Variants in PRKCB observed in about 807,000 individuals in gnomAD.
PRKCB encodes the protein protein kinase C beta type.
Under a neutral mutation model 81.5 loss-of-function variants are expected in PRKCB, and 13 were observed. That is an observed-to-expected ratio of 0.16 (90% CI 0.10 to 0.25). PRKCB has a LOEUF of 0.25. Ranked by LOEUF, PRKCB falls within the 10% of genes least tolerant of loss-of-function variation. PRKCB has a pLI of 1.00. For synonymous variants in PRKCB, 335 were observed against 321.4 expected (o/e 1.04, Z -0.45); for missense variants, 509 against 875.7 (o/e 0.58, Z 5.29).
chr16:24,008,160 CTAAA>C (rs1965153330), intron 3 of PRKCB, among the ~76,000 whole-genome samples: 1 of 152,262 alleles, frequency 6.6e-6, no homozygotes, highest in Non-Finnish European at 1.5e-5. Context: ...TACTCAGAGA[CTAAA>C]TGACTTGCTC....
intron 16 of PRKCB, among the ~76,000 whole-genome samples, chr16:24,199,040 C>T (rs1299169152): frequency 2.0e-5 from 3 of 152,212 alleles, no homozygotes; most frequent in African/African-American, 7.2e-5. Flanking sequence ...CTGCACTTTA[C>T]TTAAAGCCCC....
At chr16:24,133,656 C>G (rs1966856907) in intron 9 of PRKCB, among the ~76,000 whole-genome samples, 2 of 152,314 alleles carry the variant, frequency 1.3e-5, no homozygotes, top group South Asian at 4.1e-4. Flanking sequence ...AGCTCATGCT[C>G]ATTGACAAGG....
intron 3 of PRKCB, among the ~76,000 whole-genome samples, chr16:23,997,141 A>G (rs1416672446): frequency 6.6e-6 from 1 of 152,210 alleles, no homozygotes; most frequent in Admixed American, 6.5e-5. Flanking sequence ...ACTGCCACCC[A>G]GCCACTTTGG....
chr16:24,000,139 T>C (rs995553449), intron 3 of PRKCB, among the ~76,000 whole-genome samples: 2 of 152,198 alleles, frequency 1.3e-5, no homozygotes, highest in Non-Finnish European at 2.9e-5. Context: ...GAAAAATAGA[T>C]TCCAGTGCCT....
intron 3 of PRKCB, among the ~76,000 whole-genome samples, chr16:24,017,075 G>C (rs928492875): frequency 2.6e-5 from 4 of 152,198 alleles, no homozygotes; most frequent in African/African-American, 9.7e-5. Context: ...AAATTTGAAA[G>C]TAAGCAGGAA....
intron 2 of PRKCB, among the ~76,000 whole-genome samples, chr16:23,922,379 A>G (rs1295067575): frequency 1.3e-5 from 2 of 152,224 alleles, no homozygotes; most frequent in Non-Finnish European, 2.9e-5. Context: ...AAGAGAAGCC[A>G]GAAATCTGGA....
chr16:23,899,770 TGGGACCGTA>T lies in PRKCB; in HGVS notation c.205+62367_205+62375del, dbSNP rs1191547820. Among the ~76,000 whole-genome samples the T allele has an allele frequency of 3.9e-5, 2 of 51,422 alleles. 1 individual carries two copies. The highest frequency in any genetic ancestry group is 9.9e-5 in the Non-Finnish European group (2 of 20,202). 33.7% of individuals were successfully genotyped at this position (51,422 alleles called of 152,430 possible). A position where few individuals can be genotyped will look rare whatever the true frequency, so the allele number is the denominator to read the frequency against. ...CTCCCACCTCAGCCTTCTGAGGAGC[TGGGACCGTA>T]GGCACGTGCCACCAGGCCCAGCAAA... is the stretch of plus-strand genomic sequence containing the variant. On this transcript the variant is annotated intron_variant, in intron 2 of 16. Transcript: ENST00000643927.
chr16:23,931,716 G>A (rs576548715), intron 2 of PRKCB, among the ~76,000 whole-genome samples: 5 of 152,144 alleles, frequency 3.3e-5, no homozygotes, highest in East Asian at 3.9e-4. Context: ...TTTACTTCCC[G>A]GCCTTCTGGC....
At chr16:23,917,763 A>T (rs1205968196) in intron 2 of PRKCB, among the ~76,000 whole-genome samples, 1 of 152,162 alleles carries the variant, frequency 6.6e-6, no homozygotes. Context: ...AGGCCCAGAG[A>T]GAGGATCAGA....
chr16:23,865,072 G>A (rs553341710), intron 2 of PRKCB, among the ~76,000 whole-genome samples: 3 of 152,156 alleles, frequency 2.0e-5, no homozygotes, highest in African/African-American at 7.2e-5. Flanking sequence ...ATCCAAATAA[G>A]CACAATCAGA....
chr16:23,841,094 A>ATTTT lies in PRKCB; in HGVS notation c.205+3690_205+3691insTTTT, dbSNP rs998547558. 9.2e-5 allele frequency among the ~76,000 whole-genome samples: 14 copies of ATTTT among 152,084 alleles called. 1 individual carries two copies. In the East Asian group the frequency reaches 1.2e-3, roughly 13 times the overall value. On this transcript the variant is annotated intron_variant, in intron 2 of 16. Coordinates refer to ENST00000643927, the MANE Select transcript of PRKCB (RefSeq NM_002738.7). ...TTGCCTTTTATTTATTTATTTATTT[A>ATTTT]TTGAGACAGAGTCTCACTCTGTTGC... is the stretch of plus-strand genomic sequence containing the variant.
At chr16:24,069,744 C>CA (rs553153530) in intron 5 of PRKCB, among the ~76,000 whole-genome samples, 3 of 152,056 alleles carry the variant, frequency 2.0e-5, no homozygotes, top group Admixed American at 6.6e-5. Context: ...TGTATCAAAA[C>CA]AAAACAAACA....
At chr16:24,106,108 G>C (rs62858162) in intron 7 of PRKCB, among the ~76,000 whole-genome samples, 1 of 16,174 alleles carries the variant, frequency 6.2e-5, no homozygotes, top group Admixed American at 5.9e-4. Flanking sequence ...CAAAAAAAAA[G>C]CAAAAAACAA....
At chr16:23,960,671 C>T (rs1964413882) in intron 2 of PRKCB, among the ~76,000 whole-genome samples, 2 of 152,206 alleles carry the variant, frequency 1.3e-5, no homozygotes, top group Non-Finnish European at 2.9e-5. Context: ...TTCCCCACCA[C>T]CAAATGTCCA....
intron 7 of PRKCB, among the ~76,000 whole-genome samples, chr16:24,107,655 TTCAC>T (rs1166836956): frequency 1.3e-5 from 2 of 152,184 alleles, no homozygotes; most frequent in Non-Finnish European, 2.9e-5. Flanking sequence ...GGCAGCGTCC[TTCAC>T]TCACTCTGTG....
chr16:23,887,762 G>C (rs1043400598), intron 2 of PRKCB, among the ~76,000 whole-genome samples: 1 of 152,230 alleles, frequency 6.6e-6, no homozygotes, highest in African/African-American at 2.4e-5. Context: ...AGTTCTTTGA[G>C]AAGTCTCTAA....
chr16:24,021,000 C>CTTTA (rs1233355316), intron 3 of PRKCB, among the ~76,000 whole-genome samples: 1 of 137,714 alleles, frequency 7.3e-6, no homozygotes, highest in African/African-American at 2.8e-5. Context: ...TTCTTTCTTT[C>CTTTA]TTTCTTTCTT....
At chr16:24,053,895 G>A (rs1965873209) in intron 5 of PRKCB, among the ~76,000 whole-genome samples, 1 of 152,210 alleles carries the variant, frequency 6.6e-6, no homozygotes, top group Non-Finnish European at 1.5e-5. Flanking sequence ...TGTGATTCTT[G>A]GGAGGGAATT....
chr16:24,189,598 C>T (rs1397923884), intron 15 of PRKCB, among the ~76,000 whole-genome samples: 4 of 147,124 alleles, frequency 2.7e-5, no homozygotes, highest in African/African-American at 5.1e-5. Flanking sequence ...CCCGAGATCG[C>T]GCCTCTGCAC....
Sources: gnomAD v4.1 joint callset for allele counts (sites outside exome capture counted in the v4.1 genomes callset) on GRCh38, gnomAD v4.1.1 for gene constraint, MANE v1.5 for transcripts, NCBI Gene and HGNC (gene_info 2026-07-23, HGNC 2026-07-21) for gene names.